TRIM5: variants seen among roughly 807,000 people sequenced by gnomAD.
The protein encoded by TRIM5 is tripartite motif-containing protein 5.
In TRIM5, 31 loss-of-function variants were observed where a neutral mutation model predicts 35.6. The observed-to-expected ratio is 0.87, with a 90% CI of 0.65 to 1.18. The LOEUF (loss-of-function observed/expected upper bound fraction) is 1.18, where lower values mean the gene tolerates loss of function less well. Ranked by LOEUF, TRIM5 falls within the 50% of genes most tolerant of loss-of-function variation. TRIM5 has a pLI of 0.00. For synonymous variants in TRIM5, 243 were observed against 215.6 expected, an observed-to-expected ratio of 1.13 and a Z score of -1.11; for missense variants, 609 against 591.6, an observed-to-expected ratio of 1.03 and a Z score of -0.31.
the TRIM5 span, among the ~76,000 whole-genome samples, chr11:5,602,340 G>A: frequency 2.0e-5 from 3 of 152,090 alleles, no homozygotes; most frequent in African/African-American, 7.2e-5. Context: ...CTACTCGGGA[G>A]GCTGAGGCAG....
At chr11:5,631,995 T>A in the TRIM5 span, among the ~76,000 whole-genome samples, 1 of 152,172 alleles carries the variant, frequency 6.6e-6, no homozygotes, top group South Asian at 2.1e-4. Context: ...TGAAGGGACA[T>A]GTAAGGAGAA....
At position 5,678,443 on chromosome 11, in the gene TRIM5, A is replaced by C. The variant is rs1852165083; in HGVS notation, c.514-9T>G. ...TCATACTGTATTTGAGTCTTCAGAG[A>C]TAAGAGAAGAGAAAGGGGCACTCAG... On this transcript the variant is annotated splice_polypyrimidine_tract_variant and intron_variant, in intron 3 of 7. Transcript: ENST00000380034. 1 of 1,503,834 alleles carries C rather than the reference A, an allele frequency of 6.6e-7. No homozygotes were observed. The highest frequency in any genetic ancestry group is 2.1e-5 in the Admixed American group (1 of 48,500). The allele number at this position is 1,503,834 out of a possible 1,614,324, so 93.2% of individuals were successfully genotyped here.
intron 5 of TRIM5, 131 bp from the exon 6 acceptor site, chr11:5,666,212 G>A (rs1256397716): frequency 2.6e-6 from 2 of 780,502 alleles, no homozygotes; most frequent in Non-Finnish European, 4.2e-6. Flanking sequence ...AGAAGGGAGA[G>A]TGCAAACTCT....
chr11:5,638,052 G>T, the TRIM5 span, among the ~76,000 whole-genome samples: 1 of 152,176 alleles, frequency 6.6e-6, no homozygotes. Flanking sequence ...AAGAATGAAT[G>T]AGTTAATTAT....
the TRIM5 span, among the ~76,000 whole-genome samples, chr11:5,607,020 G>A: frequency 1.3e-5 from 2 of 152,070 alleles, no homozygotes; most frequent in Admixed American, 6.6e-5. Flanking sequence ...TGGCTAACAC[G>A]GTGAAACCCC....
chr11:5,598,158 A>T, the TRIM5 span, among the ~76,000 whole-genome samples: 865 of 152,244 alleles, frequency 5.7e-3, 6 homozygotes, highest in African/African-American at 0.019. Context: ...GCCTTCTCTC[A>T]GCCCGTCCAC....
chr11:5,611,500 C>A, the TRIM5 span: 2 of 667,712 alleles, frequency 3.0e-6, no homozygotes, highest in Non-Finnish European at 5.0e-6. Context: ...GTCGCCCAGG[C>A]TGGAGTGCAC....
chr11:5,646,684 G>A, the TRIM5 span, among the ~76,000 whole-genome samples: 2 of 152,044 alleles, frequency 1.3e-5, no homozygotes, highest in Non-Finnish European at 2.9e-5. Flanking sequence ...TGTAACCCTT[G>A]GACACCACTG....
the TRIM5 span, among the ~76,000 whole-genome samples, chr11:5,653,698 G>T: frequency 6.6e-6 from 1 of 151,432 alleles, no homozygotes; most frequent in Non-Finnish European, 1.5e-5. Flanking sequence ...TTACCGTGTT[G>T]GTCAGGCTGG....
At chr11:5,663,038 A>G (rs1850884471), downstream of TRIM5, among the ~76,000 whole-genome samples, 1 of 152,122 alleles carries the variant, frequency 6.6e-6, no homozygotes, top group Admixed American at 6.6e-5. Context: ...GCTGAGGTGG[A>G]AGGATGAACC....
At chr11:5,638,074 C>A in the TRIM5 span, among the ~76,000 whole-genome samples, 1 of 152,164 alleles carries the variant, frequency 6.6e-6, no homozygotes, top group Non-Finnish European at 1.5e-5. Context: ...TGTAAATCAG[C>A]GTATCCAATC....
At chr11:5,656,704 GA>G in the TRIM5 span, among the ~76,000 whole-genome samples, 1 of 151,190 alleles carries the variant, frequency 6.6e-6, no homozygotes, top group Non-Finnish European at 1.5e-5. Flanking sequence ...ACAAACATTT[GA>G]AAAAAAACCC....
chr11:5,598,701 A>G, the TRIM5 span, among the ~76,000 whole-genome samples: 10 of 152,342 alleles, frequency 6.6e-5, no homozygotes, highest in Middle Eastern at 3.4e-3. Context: ...CAAATGCTCA[A>G]GAGCCATATC....
intron 7 of TRIM5, 26 bp downstream of exon 7, chr11:5,665,630 C>T (rs770234596): frequency 2.5e-6 from 4 of 1,570,520 alleles, no homozygotes; most frequent in East Asian, 2.3e-5. Flanking sequence ...CGCAGGGTGG[C>T]TTATGATAAT....
chr11:5,626,225 A>C, the TRIM5 span, among the ~76,000 whole-genome samples: 1 of 152,220 alleles, frequency 6.6e-6, no homozygotes, highest in Non-Finnish European at 1.5e-5. Flanking sequence ...TAATGTAAAA[A>C]CGTGCAATTA....
chr11:5,684,445 A>C (rs2133256), intron 1 of TRIM5, among the ~76,000 whole-genome samples: 1 of 152,014 alleles, frequency 6.6e-6, no homozygotes, highest in Non-Finnish European at 1.5e-5. Context: ...GGACTACAGA[A>C]CTGGACAGCT....
downstream of TRIM5, among the ~76,000 whole-genome samples, chr11:5,661,850 A>C (rs896160405): frequency 6.6e-6 from 1 of 152,164 alleles, no homozygotes; most frequent in South Asian, 2.1e-4. Context: ...AAAATCCTTC[A>C]GTGTGCAGAT....
At chr11:5,680,279 G>A in intron 1 of TRIM5, 41 bp from the exon 2 acceptor site, 3 of 1,205,250 alleles carry the variant, frequency 2.5e-6, no homozygotes, top group South Asian at 2.0e-5. Context: ...AAGTAAGAAA[G>A]GTAGAAATAG....
intron 5 of TRIM5, among the ~76,000 whole-genome samples, chr11:5,667,298 C>G (rs1279270822): frequency 6.6e-6 from 1 of 152,148 alleles, no homozygotes; most frequent in East Asian, 1.9e-4. Flanking sequence ...CCTCTGCCTC[C>G]TGGATTCAAG....
Sources: allele counts gnomAD v4.1 joint callset (sites outside exome capture counted in the v4.1 genomes callset), GRCh38; gene constraint gnomAD v4.1.1; transcripts MANE v1.5; gene names NCBI Gene and HGNC (gene_info 2026-07-23, HGNC 2026-07-21).